The following FGGY variants were observed in gnomAD, a reference collection of about 807,000 sequenced individuals.
The protein encoded by FGGY is FGGY carbohydrate kinase domain containing.
Under a neutral mutation model 71.3 loss-of-function variants are expected in FGGY, and 72 were observed. The observed-to-expected ratio is 1.01, with a 90% CI of 0.84 to 1.23. FGGY has a LOEUF of 1.23. Ranked by LOEUF, FGGY falls within the 50% of genes most tolerant of loss-of-function variation. The probability of loss-of-function intolerance (pLI) is 0.00; values close to 1 mark genes in which losing one functional copy is unlikely to be tolerated. For missense variants in FGGY, 668 were observed against 682.3 expected (o/e 0.98, Z 0.23); for synonymous variants, 251 against 250.3 (o/e 1.00, Z -0.02).
intron 14 of FGGY, 139 bp downstream of exon 14, chr1:59,674,272 C>T: frequency 1.7e-6 from 1 of 573,926 alleles, no homozygotes; most frequent in Non-Finnish European, 3.1e-6. Flanking sequence ...AAAGCACAAA[C>T]ACTTCTAGCC....
rs553384468 is a variant in FGGY at position 59,351,494 on chromosome 1, A to T, written c.465+5096A>T. Among the ~76,000 whole-genome samples the T allele has an allele frequency of 1.6e-4, 25 of 152,260 alleles. 3 individuals carry two copies. In the South Asian group the frequency reaches 5.2e-3, roughly 32 times the overall value. On this transcript the variant is annotated intron_variant, in intron 4 of 15. Transcript: ENST00000303721. ...TAATGCTACGTCAATTTTTGTGGTG[A>T]TTTATATAATGCTTGCTCCAACCAT...
At chr1:59,355,458 C>A (rs1223829483) in intron 4 of FGGY, among the ~76,000 whole-genome samples, 2 of 152,162 alleles carry the variant, frequency 1.3e-5, no homozygotes, top group Non-Finnish European at 2.9e-5. Context: ...TAGCACAATG[C>A]TCATGCTTTT....
chr1:59,589,852 A>G (rs2096393247), intron 8 of FGGY, among the ~76,000 whole-genome samples: 1 of 152,148 alleles, frequency 6.6e-6, no homozygotes, highest in South Asian at 2.1e-4. Flanking sequence ...TCCAAAATTG[A>G]CACTCTAACA....
At chr1:59,688,457 A>G (rs2097562807) in intron 14 of FGGY, among the ~76,000 whole-genome samples, 1 of 152,250 alleles carries the variant, frequency 6.6e-6, no homozygotes, top group South Asian at 2.1e-4. Context: ...TAAGAAAACT[A>G]CATACATAAT....
At chr1:59,580,366 C>A (rs2096169227) in intron 8 of FGGY, among the ~76,000 whole-genome samples, 1 of 152,088 alleles carries the variant, frequency 6.6e-6, no homozygotes, top group African/African-American at 2.4e-5. Flanking sequence ...TTCTTTCTGG[C>A]AAGAGTTGCT....
rs548037598 is a variant in FGGY at position 59,528,669 on chromosome 1, G to A, written c.799+16230G>A. 5.9e-5 allele frequency among the ~76,000 whole-genome samples: 9 copies of A among 152,232 alleles called. No homozygotes were observed. In the South Asian group the frequency reaches 1.9e-3, roughly 32 times the overall value. ...AGCCTCAGGAGTTAAAAGTATATCA[G>A]CCTTGTGACTCACCACCATGAAACC... is the stretch of plus-strand genomic sequence containing the variant. On this transcript the variant is annotated intron_variant, in intron 7 of 15. Coordinates refer to ENST00000303721, the MANE Select transcript of FGGY (RefSeq NM_018291.5).
chr1:59,472,028 C>T (rs980601430), intron 6 of FGGY, among the ~76,000 whole-genome samples: 59 of 152,324 alleles, frequency 3.9e-4, no homozygotes, highest in African/African-American at 1.2e-3. Context: ...CCCACTTTGG[C>T]GGCACTTGAG....
chr1:59,465,747 C>G (rs1262188298), intron 6 of FGGY, among the ~76,000 whole-genome samples: 2 of 152,158 alleles, frequency 1.3e-5, no homozygotes, highest in Non-Finnish European at 2.9e-5. Flanking sequence ...TATGAATTCC[C>G]ATTCACAATT....
At chr1:59,600,856 TA>T (rs1179709940) in intron 8 of FGGY, among the ~76,000 whole-genome samples, 3 of 152,156 alleles carry the variant, frequency 2.0e-5, no homozygotes, top group Non-Finnish European at 2.9e-5. Context: ...GCCTTTAAGA[TA>T]AGATATGGCT....
At chr1:59,631,715 A>G (rs2096909960) in intron 10 of FGGY, among the ~76,000 whole-genome samples, 1 of 152,234 alleles carries the variant, frequency 6.6e-6, no homozygotes, top group Admixed American at 6.5e-5. Context: ...CAGATTGAGT[A>G]TTTTATACTC....
intron 14 of FGGY, among the ~76,000 whole-genome samples, chr1:59,740,109 T>C (rs1042807189): frequency 3.9e-5 from 6 of 152,340 alleles, no homozygotes; most frequent in African/African-American, 1.2e-4. Context: ...TAAGAGGTTG[T>C]AATGGCTCCT....
chr1:59,597,506 TA>T (rs889244790), intron 8 of FGGY, among the ~76,000 whole-genome samples: 2 of 151,922 alleles, frequency 1.3e-5, no homozygotes, highest in Non-Finnish European at 2.9e-5. Context: ...TCAAGTCTTT[TA>T]AAAAAAAGTT....
chr1:59,360,836 G>A (rs1173498989), intron 4 of FGGY, among the ~76,000 whole-genome samples: 3 of 152,188 alleles, frequency 2.0e-5, no homozygotes, highest in Non-Finnish European at 4.4e-5. Flanking sequence ...GAAGACTTGG[G>A]GAGAGGGTAT....
chr1:59,737,622 A>G (rs1379593598), intron 14 of FGGY, among the ~76,000 whole-genome samples: 1 of 152,314 alleles, frequency 6.6e-6, no homozygotes, highest in East Asian at 1.9e-4. Flanking sequence ...AATTTCTCCC[A>G]TTTGGAATGG....
At chr1:59,346,865 C>T (rs1033499207) in intron 4 of FGGY, among the ~76,000 whole-genome samples, 2 of 150,970 alleles carry the variant, frequency 1.3e-5, no homozygotes, top group Non-Finnish European at 1.5e-5. Context: ...AGGCTGATTT[C>T]GAACTCCTGG....
At chr1:59,334,567 TTAA>T (rs2049106766) in intron 2 of FGGY, among the ~76,000 whole-genome samples, 1 of 152,248 alleles carries the variant, frequency 6.6e-6, no homozygotes, top group Admixed American at 6.5e-5. Context: ...CAATGCTTTA[TTAA>T]TATGACTTGA....
At chr1:59,431,935 G>A (rs2067444743) in intron 5 of FGGY, among the ~76,000 whole-genome samples, 2 of 152,138 alleles carry the variant, frequency 1.3e-5, no homozygotes, top group Non-Finnish European at 1.5e-5. Context: ...CGACTCTTGG[G>A]CTCCTGGATA....
chr1:59,588,798 A>G (rs979724782), intron 8 of FGGY, among the ~76,000 whole-genome samples: 8 of 152,218 alleles, frequency 5.3e-5, no homozygotes, highest in Non-Finnish European at 7.3e-5. Flanking sequence ...AGCACTAAAC[A>G]TGGAAAGGAA....
intron 7 of FGGY, among the ~76,000 whole-genome samples, chr1:59,538,760 C>A (rs2095384190): frequency 6.7e-6 from 1 of 150,330 alleles, no homozygotes; most frequent in South Asian, 2.1e-4. Flanking sequence ...AAACCAAATA[C>A]CGCATATTCT....
Sources: gnomAD v4.1 joint callset for allele counts (sites outside exome capture counted in the v4.1 genomes callset) on GRCh38, gnomAD v4.1.1 for gene constraint, MANE v1.5 for transcripts, NCBI Gene and HGNC (gene_info 2026-07-23, HGNC 2026-07-21) for gene names.